The following FOXP1 variants were observed in gnomAD, a reference collection of about 807,000 sequenced individuals.
FOXP1 encodes the protein forkhead box P1.
In FOXP1, 15 loss-of-function variants were observed where a neutral mutation model predicts 98.2. The ratio of observed to expected loss-of-function variants is 0.15; its 90% CI spans 0.10 to 0.24. The LOEUF (loss-of-function observed/expected upper bound fraction) is 0.24. Among genes scored for constraint, FOXP1 ranks in the 10% least tolerant of loss-of-function variants. The probability of loss-of-function intolerance (pLI) is 1.00; values close to 1 mark genes in which losing one functional copy is unlikely to be tolerated. For missense variants in FOXP1, 633 were observed against 848.5 expected, an observed-to-expected ratio of 0.75 and a Z score of 3.15; for synonymous variants, 371 against 314.5, an observed-to-expected ratio of 1.18 and a Z score of -1.90.
At chr3:71,038,639 G>A (rs913434975) in intron 11 of FOXP1, among the ~76,000 whole-genome samples, 4 of 151,630 alleles carry the variant, frequency 2.6e-5, no homozygotes, top group African/African-American at 4.8e-5. Context: ...ATATGTATAC[G>A]AAGCTGGCTA....
intron 7 of FOXP1, among the ~76,000 whole-genome samples, chr3:71,071,901 A>G (rs1023134172): frequency 2.0e-5 from 3 of 152,172 alleles, no homozygotes; most frequent in African/African-American, 4.8e-5. Flanking sequence ...CAACAACAAC[A>G]ACGACAACAA....
chr3:71,248,988 A>C (rs560391234), intron 5 of FOXP1, among the ~76,000 whole-genome samples: 227 of 152,300 alleles, frequency 1.5e-3, no homozygotes, highest in Non-Finnish European at 2.8e-3. Context: ...AACAAGGCCA[A>C]CACAAACTTC....
chr3:70,963,572 A>C (rs2034066760), intron 20 of FOXP1, among the ~76,000 whole-genome samples: 1 of 152,092 alleles, frequency 6.6e-6, no homozygotes, highest in African/African-American at 2.4e-5. Flanking sequence ...CTACTTCCGA[A>C]AGGGCTACCG....
chr3:71,200,258 C>T (rs1178684066), intron 5 of FOXP1, among the ~76,000 whole-genome samples: 1 of 152,186 alleles, frequency 6.6e-6, no homozygotes, highest in Non-Finnish European at 1.5e-5. Context: ...CTAATACCAA[C>T]TGCTACCATC....
chr3:71,272,052 A>G (rs758590426), intron 5 of FOXP1, among the ~76,000 whole-genome samples: 2 of 152,228 alleles, frequency 1.3e-5, no homozygotes, highest in Non-Finnish European at 2.9e-5. Context: ...TACATTCTAA[A>G]TCAGGAATCA....
intron 2 of FOXP1, among the ~76,000 whole-genome samples, chr3:71,569,972 T>G (rs896167567): frequency 1.3e-5 from 2 of 152,088 alleles, no homozygotes; most frequent in Non-Finnish European, 2.9e-5. Context: ...AGGGTTTCAC[T>G]GTATTAGCCA....
At chr3:71,567,991 G>A (rs1024044929) in intron 2 of FOXP1, 3 of 138,822 alleles carry the variant, frequency 2.2e-5, no homozygotes, top group African/African-American at 8.1e-5. Flanking sequence ...AAGGAAGGGA[G>A]GAAGGGAGGA....
intron 12 of FOXP1, among the ~76,000 whole-genome samples, chr3:71,013,513 T>G (rs1211332926): frequency 6.6e-6 from 1 of 152,138 alleles, no homozygotes; most frequent in Non-Finnish European, 1.5e-5. Flanking sequence ...TACAAACAAA[T>G]GGAAGAACAT....
intron 9 of FOXP1, among the ~76,000 whole-genome samples, chr3:71,048,063 C>T (rs747711255): frequency 1.3e-5 from 2 of 151,886 alleles, no homozygotes; most frequent in Non-Finnish European, 2.9e-5. Flanking sequence ...TGCTAGCAAT[C>T]GTATCGAGGT....
chr3:71,327,760 G>A (rs2076004097), intron 4 of FOXP1, among the ~76,000 whole-genome samples: 1 of 152,152 alleles, frequency 6.6e-6, no homozygotes, highest in Non-Finnish European at 1.5e-5. Flanking sequence ...ATATAAGTGT[G>A]TATGTGCAAA....
chr3:71,297,849 C>G (rs967225618), intron 5 of FOXP1, among the ~76,000 whole-genome samples: 2 of 151,748 alleles, frequency 1.3e-5, no homozygotes, highest in Non-Finnish European at 1.5e-5. Context: ...TCAGGTGATC[C>G]ACTCGCCTCA....
chr3:71,202,245 G>A (rs559331191), intron 5 of FOXP1, among the ~76,000 whole-genome samples: 1 of 152,200 alleles, frequency 6.6e-6, no homozygotes, highest in Admixed American at 6.5e-5. Flanking sequence ...GACCAAAATT[G>A]CAGAAAGGAT....
intron 11 of FOXP1, among the ~76,000 whole-genome samples, chr3:71,028,889 T>C (rs2046478421): frequency 6.6e-6 from 1 of 152,176 alleles, no homozygotes; most frequent in Non-Finnish European, 1.5e-5. Flanking sequence ...ATTCCTTGCA[T>C]GTGTGGTTCA....
chr3:71,583,801 C>G (rs1251700137), upstream of FOXP1: 1 of 987,096 alleles, frequency 1.0e-6, no homozygotes, highest in African/African-American at 1.8e-5. Context: ...GCCCAGCCAG[C>G]GCCGGTGGCG....
In FOXP1 at chr3:71,309,734, C is replaced by A. The variant is rs557117932; in HGVS notation, c.-72-9854G>T. Among the ~76,000 whole-genome samples the A allele has an allele frequency of 3.1e-3, 476 of 152,242 alleles. 2 individuals are homozygous for A. The highest frequency in any genetic ancestry group is 0.011 in the African/African-American group (450 of 41,524). ...ACTAGCATCTTTTGAATTTTCCCCA[C>A]TTCAATGATTTTGTTGTCGTTATCT... On this transcript the variant is annotated intron_variant, in intron 4 of 20. Coordinates refer to ENST00000649528, the MANE Select transcript of FOXP1 (RefSeq NM_001349338.3).
intron 7 of FOXP1, among the ~76,000 whole-genome samples, chr3:71,065,081 C>CCGCGCCCCGCGCCCG (rs1553720111): frequency 1.4e-5 from 2 of 147,972 alleles, no homozygotes; most frequent in Admixed American, 1.3e-4. Flanking sequence ...GGCCCGCGCC[C>CCGCGCCCCGCGCCCG]CGCGCCCGCG....
chr3:71,291,583 A>G (rs1315468102), intron 5 of FOXP1, among the ~76,000 whole-genome samples: 1 of 152,210 alleles, frequency 6.6e-6, no homozygotes, highest in East Asian at 1.9e-4. Flanking sequence ...CAACCTGCAG[A>G]AAGAACTACT....
At chr3:71,328,790 T>A (rs913948088) in intron 4 of FOXP1, among the ~76,000 whole-genome samples, 1 of 151,852 alleles carries the variant, frequency 6.6e-6, no homozygotes, top group East Asian at 1.9e-4. Flanking sequence ...CTGACCAACA[T>A]GGAGAAACCC....
chr3:71,316,384 T>A (rs1290045667), intron 4 of FOXP1, among the ~76,000 whole-genome samples: 1 of 152,154 alleles, frequency 6.6e-6, no homozygotes, highest in Non-Finnish European at 1.5e-5. Context: ...ACAGCTGTGC[T>A]GTACCTGTGA....
Sources: allele counts gnomAD v4.1 joint callset (sites outside exome capture counted in the v4.1 genomes callset), GRCh38; gene constraint gnomAD v4.1.1; transcripts MANE v1.5; gene names NCBI Gene and HGNC (gene_info 2026-07-23, HGNC 2026-07-21).